Variants in KIF13A observed in about 807,000 individuals in gnomAD.
KIF13A encodes kinesin-like protein KIF13A.
Under a neutral mutation model 212.2 loss-of-function variants are expected in KIF13A, and 79 were observed. That is an observed-to-expected ratio of 0.37 (90% CI 0.31 to 0.45). The LOEUF (loss-of-function observed/expected upper bound fraction) is 0.45, where lower values mean the gene tolerates loss of function less well. KIF13A is among the 20% of genes least tolerant of loss of function. KIF13A has a pLI of 1.00. For synonymous variants in KIF13A, 789 were observed against 808.6 expected (o/e 0.98, Z 0.41); for missense variants, 1,901 against 2,209.0 (o/e 0.86, Z 2.79).
chr6:17,805,206 A>G (rs950056123), intron 19 of KIF13A, among the ~76,000 whole-genome samples: 1 of 152,244 alleles, frequency 6.6e-6, no homozygotes, highest in African/African-American at 2.4e-5. Flanking sequence ...CTTGAAATGT[A>G]GTAAACATGA....
intron 20 of KIF13A, among the ~76,000 whole-genome samples, chr6:17,801,391 G>C (rs1023626969): frequency 1.6e-4 from 24 of 152,084 alleles, no homozygotes; most frequent in African/African-American, 5.6e-4. Flanking sequence ...TGTAGTCCCA[G>C]CTACTCGGGA....
At chr6:17,845,569 G>T (rs1766943615) in intron 9 of KIF13A, among the ~76,000 whole-genome samples, 1 of 152,208 alleles carries the variant, frequency 6.6e-6, no homozygotes, top group Admixed American at 6.5e-5. Context: ...AGCCATTACT[G>T]AATAAAATGG....
At position 17,853,650 on chromosome 6, in the gene KIF13A, A is replaced by C. The variant is rs910138089; in HGVS notation, c.495-1608T>G. 1.1e-4 allele frequency among the ~76,000 whole-genome samples: 16 copies of C among 152,222 alleles called. 1 individual carries two copies. Among genetic ancestry groups the C allele is most frequent in the Admixed American group, 1.0e-3 (16 of 15,284 alleles). On this transcript the variant is annotated intron_variant, in intron 6 of 38. Transcript: ENST00000259711. ...CCATGCAATGAAATGCTAAGACAACAGTAAAAATGTATTAGCACTTCATAT... is the reference window on the plus strand; with the variant it reads ...CCATGCAATGAAATGCTAAGACAACCGTAAAAATGTATTAGCACTTCATAT...
At chr6:17,983,781 C>G (rs548265459) in intron 2 of KIF13A, among the ~76,000 whole-genome samples, 1 of 152,188 alleles carries the variant, frequency 6.6e-6, no homozygotes, top group Non-Finnish European at 1.5e-5. Context: ...AGCTACCTCA[C>G]CCAGCCCAGA....
In KIF13A at chr6:17,785,421, T is replaced by C; in HGVS notation, c.3488+94A>G. 1 of 1,359,012 alleles carries C rather than the reference T, an allele frequency of 7.4e-7. No individual in the cohort carries two copies. The highest frequency in any genetic ancestry group is 3.2e-5 in the Admixed American group (1 of 30,894). 84.2% of individuals were successfully genotyped at this position (1,359,012 alleles called of 1,614,324 possible). On this transcript the variant is annotated intron_variant, in intron 28 of 38. Transcript: ENST00000259711. This position sits in a 1 kb window ranked among gnomAD's most constrained non-coding sequence, Gnocchi z 5.8. ...TAAGTAGTTCAGCTGGTTGGCATTT[T>C]CTGTGACAATCCTGGAAAGTCTCTT...
At chr6:17,814,015 T>C (rs142312451) in intron 17 of KIF13A, among the ~76,000 whole-genome samples, 1,906 of 144,476 alleles carry the variant, frequency 0.013, 38 homozygotes, top group Non-Finnish European at 0.016. Flanking sequence ...TGCAGTGGCA[T>C]GATCTCAGCT....
Position 17,987,376 on chromosome 6 carries a change from A to G in KIF13A, c.55+33T>C. The G allele has an allele frequency of 7.5e-7, 1 of 1,332,940 alleles. No individual in the cohort carries two copies. The highest frequency in any genetic ancestry group is 9.9e-7 in the Non-Finnish European group (1 of 1,010,962). 82.6% of individuals were successfully genotyped at this position (1,332,940 alleles called of 1,614,324 possible). On this transcript the variant is annotated intron_variant, in intron 1 of 38. Coordinates refer to ENST00000259711, the MANE Select transcript of KIF13A (RefSeq NM_022113.6). The surrounding 1 kb of genome is among the most constrained non-coding windows in gnomAD (Gnocchi z 7.7). ...TAAAGTTGCCCCCGCCCTCAGCCCG[A>G]GCAGAAATAAAAAAGAGCGGAAAGC... is the stretch of plus-strand genomic sequence containing the variant.
Position 17,934,563 on chromosome 6 carries a change from G to A in KIF13A, c.147-36383C>T, listed in dbSNP as rs1776292158. On this transcript the variant is annotated intron_variant, in intron 2 of 38. Coordinates refer to ENST00000259711, the MANE Select transcript of KIF13A (RefSeq NM_022113.6). The surrounding 1 kb of genome is among the most constrained non-coding windows in gnomAD (Gnocchi z 5.4). ...AAACTCTGGGAGACAGAGGCAGAGA[G>A]GATCACTTGAGCCCAGAAATTCGAG... is the stretch of plus-strand genomic sequence containing the variant. 6.6e-6 allele frequency among the ~76,000 whole-genome samples: 1 copy of A among 152,194 alleles called. No individual in the cohort carries two copies. Among genetic ancestry groups the A allele is most frequent in the Non-Finnish European group, 1.5e-5 (1 of 68,032 alleles).
In KIF13A at chr6:17,836,961, C is replaced by T. The variant is rs776198139; in HGVS notation, c.1072G>A (p.Val358Met). ...RAKRIVNHAVVNEDPNAKVIR... is the reference protein window; with the variant it reads ...RAKRIVNHAVMNEDPNAKVIR... ...ACTTTTGCGTTGGGGTCCTCATTCA[C>T]AACAGCATGGTTCACAATCCTTTTG... Residue 358 changes from valine to methionine, a missense_variant, in exon 11 of 39, where the codon GTG (valine) becomes ATG (methionine). By Grantham distance (21) the Val-to-Met change is conservative. Transcript: ENST00000259711. 3 of 1,613,934 alleles carry T rather than the reference C, an allele frequency of 1.9e-6. No homozygotes were observed. In the South Asian group the frequency reaches 3.3e-5, roughly 18 times the overall value.
rs34242323 is a variant in KIF13A at position 17,947,840 on chromosome 6, CA to C, written c.146+39213del. 7.4e-4 allele frequency among the ~76,000 whole-genome samples: 101 copies of C among 137,218 alleles called. No individual in the cohort carries two copies. In the East Asian group the frequency reaches 0.013, roughly 17 times the overall value. 90.0% of individuals were successfully genotyped at this position (137,218 alleles called of 152,430 possible). On this transcript the variant is annotated intron_variant, in intron 2 of 38. Coordinates refer to ENST00000259711, the MANE Select transcript of KIF13A (RefSeq NM_022113.6). The surrounding 1 kb of genome is among the most constrained non-coding windows in gnomAD (Gnocchi z 4.6). Reference sequence around the variant, plus strand: ...TGTGTGACAAGAGCAAAACTCTGCTCAAAAAAAAAAAGAAAGCACACCAAGT... The same window carrying C: ...TGTGTGACAAGAGCAAAACTCTGCTCAAAAAAAAAAGAAAGCACACCAAGT...
rs929320755 is a variant in KIF13A at position 17,838,102 on chromosome 6, G to A, written c.831-519C>T. ...GAGGCTGAGGCAGGTGGATCATGAG[G>A]TCAGGGGTCAGGAGATCAAGACCAT... On this transcript the variant is annotated intron_variant, in intron 9 of 38. Coordinates refer to ENST00000259711, the MANE Select transcript of KIF13A (RefSeq NM_022113.6). This position sits in a 1 kb window ranked among gnomAD's most constrained non-coding sequence, Gnocchi z 4.2. Among the ~76,000 whole-genome samples, 1 of 151,836 alleles carries A rather than the reference G, an allele frequency of 6.6e-6. No homozygotes were observed. Among genetic ancestry groups the A allele is most frequent in the Non-Finnish European group, 1.5e-5 (1 of 67,944 alleles).
chr6:17,823,855 G>C (rs1170514815), intron 16 of KIF13A, among the ~76,000 whole-genome samples: 2 of 149,630 alleles, frequency 1.3e-5, no homozygotes, highest in Non-Finnish European at 3.0e-5. Flanking sequence ...TTCCCGTCTC[G>C]GCCTCCCAAA....
chr6:17,985,603 A>G (rs1482309586), intron 2 of KIF13A, among the ~76,000 whole-genome samples: 1 of 112,550 alleles, frequency 8.9e-6, no homozygotes, highest in Non-Finnish European at 1.7e-5. Flanking sequence ...GACCCAACAG[A>G]ATTTTTTCCC....
rs1203170324 is a variant in KIF13A, at chr6:17,829,227, G to GT, written c.1402-858dup. Among the ~76,000 whole-genome samples, 1 of 152,160 alleles carries GT rather than the reference G, an allele frequency of 6.6e-6. No individual in the cohort carries two copies. Among genetic ancestry groups the GT allele is most frequent in the Non-Finnish European group, 1.5e-5 (1 of 68,042 alleles). On this transcript the variant is annotated intron_variant, in intron 13 of 38. Coordinates refer to ENST00000259711, the MANE Select transcript of KIF13A (RefSeq NM_022113.6). This position sits in a 1 kb window ranked among gnomAD's most constrained non-coding sequence, Gnocchi z 5.4. ...CTCCCAAAGTTCTGGGATTACTGGC[G>GT]TGAGACTGAGAACATTTTAAACTAC...
intron 20 of KIF13A, 66 bp from the exon 21 acceptor site, chr6:17,800,179 A>T (rs1762364183): frequency 5.4e-6 from 8 of 1,488,128 alleles, no homozygotes; most frequent in Non-Finnish European, 7.3e-6. Context: ...GACCCAAGAC[A>T]GACGTGCCTT....
chr6:17,780,906 C>T lies in KIF13A; in HGVS notation c.3670G>A (p.Val1224Ile). Residue 1224 changes from valine to isoleucine, a missense_variant and splice_region_variant, in exon 31 of 39, where the codon GTT becomes ATT. By Grantham distance (29) the Val-to-Ile change is conservative (BLOSUM62 3). Transcript: ENST00000259711. ...LPIIKHSDDE[V>I]SATASWDSSV... ...GAATCCCAAGAGGCTGTGGCTGAAA[C>T]CTAGGAGTTGGGGAATGATGAGGAG... 1 of 1,612,220 alleles carries T rather than the reference C, an allele frequency of 6.2e-7. No individual in the cohort carries two copies. Among genetic ancestry groups the T allele is most frequent in the Middle Eastern group, 1.7e-4 (1 of 6,048 alleles).
intron 18 of KIF13A, 112 bp from the exon 19 acceptor site, chr6:17,805,727 C>T: frequency 1.1e-6 from 1 of 920,294 alleles, no homozygotes. Context: ...TAAATGCATA[C>T]AAAAGAAGAT....
In KIF13A at chr6:17,849,612, T is replaced by A; in HGVS notation, c.718-123A>T. 1.7e-6 allele frequency: 1 copy of A among 595,128 alleles called. No homozygotes were observed. The highest frequency in any genetic ancestry group is 3.5e-5 in the Admixed American group (1 of 28,834). 36.9% of individuals were successfully genotyped at this position (595,128 alleles called of 1,614,324 possible). A position where few individuals can be genotyped will look rare whatever the true frequency, so the allele number is the denominator to read the frequency against. On this transcript the variant is annotated intron_variant, in intron 8 of 38. Coordinates refer to ENST00000259711, the MANE Select transcript of KIF13A (RefSeq NM_022113.6). This position sits in a 1 kb window ranked among gnomAD's most constrained non-coding sequence, Gnocchi z 5.7. Reference sequence around the variant, plus strand: ...ACTCTCATATGGCAAATTTCTTAAGTTTTTAAACGGTCAGAAGAGTTATTT... The same window carrying A: ...ACTCTCATATGGCAAATTTCTTAAGATTTTAAACGGTCAGAAGAGTTATTT...
chr6:17,914,090 A>C lies in KIF13A; in HGVS notation c.147-15910T>G, dbSNP rs1774294578. 6.6e-6 allele frequency among the ~76,000 whole-genome samples: 1 copy of C among 152,214 alleles called. No individual in the cohort carries two copies. Among genetic ancestry groups the C allele is most frequent in the South Asian group, 2.1e-4 (1 of 4,832 alleles). The stretch of plus-strand genomic sequence containing the variant: ...CCTGATGGAATTCAAAAGGAAAAAG[A>C]AATGGTCCTTTATCACAGATGTTTC... On this transcript the variant is annotated intron_variant, in intron 2 of 38. Coordinates refer to ENST00000259711, the MANE Select transcript of KIF13A (RefSeq NM_022113.6). This position sits in a 1 kb window ranked among gnomAD's most constrained non-coding sequence, Gnocchi z 5.9.
Sources: allele counts gnomAD v4.1 joint callset (sites outside exome capture counted in the v4.1 genomes callset), GRCh38; gene constraint gnomAD v4.1.1; non-coding constraint Gnocchi (gnomAD v3.1); transcripts MANE v1.5; gene names NCBI Gene and HGNC (gene_info 2026-07-23, HGNC 2026-07-21).